Variants in AADACL2 observed in about 807,000 individuals in gnomAD.
AADACL2 encodes arylacetamide deacetylase-like 2.
AADACL2 carries 23 observed loss-of-function variants against 22.3 expected under a neutral mutation model. The ratio of observed to expected loss-of-function variants is 1.03; its 90% CI spans 0.74 to 1.46. The LOEUF is 1.46. AADACL2 is among the 40% of genes most tolerant of loss of function. The pLI is 0.00. For missense variants in AADACL2, 472 were observed against 482.9 expected (o/e 0.98, Z 0.21); for synonymous variants, 177 against 166.2 (o/e 1.07, Z -0.50).
intron 2 of AADACL2, among the ~76,000 whole-genome samples, chr3:151,741,582 T>A (rs896861065): frequency 2.0e-5 from 3 of 152,144 alleles, no homozygotes; most frequent in Non-Finnish European, 4.4e-5. Flanking sequence ...ATACATTGGA[T>A]TTCATCTATA....
At chr3:151,738,838 G>C (rs1713182817) in intron 1 of AADACL2, among the ~76,000 whole-genome samples, 2 of 152,120 alleles carry the variant, frequency 1.3e-5, no homozygotes, top group Admixed American at 1.3e-4. Flanking sequence ...GTGTTTTTCA[G>C]CTCCATCTGG....
At chr3:151,754,773 A>G (rs1207611869) in intron 4 of AADACL2, among the ~76,000 whole-genome samples, 1 of 152,132 alleles carries the variant, frequency 6.6e-6, no homozygotes, top group African/African-American at 2.4e-5. Flanking sequence ...TGTTCTCTCA[A>G]ATTTTGACCT....
intron 3 of AADACL2, 68 bp downstream of exon 3, chr3:151,744,230 CAA>C: frequency 2.1e-6 from 3 of 1,431,948 alleles, no homozygotes; most frequent in Non-Finnish European, 2.9e-6. Flanking sequence ...ATTTCCACAT[CAA>C]GTCAGCTATG....
Position 151,757,489 on chromosome 3 carries a change from G to C in AADACL2, c.1101G>C (p.Glu367Asp), listed in dbSNP as rs754263474. The change falls in exon 5 of 5, where the codon GAG becomes GAC. Residue 367 changes from glutamate (E) to aspartate (D), a missense_variant. Glu to Asp is a conservative substitution (Grantham distance 45, BLOSUM62 2). Coordinates refer to ENST00000356517, the MANE Select transcript of AADACL2 (RefSeq NM_207365.4). ...TCCAAGTTGTTCATGAACATATTGAGGATGGAATTCATGGAGCTTTATCAT... is the reference window on the plus strand; with the variant it reads ...TCCAAGTTGTTCATGAACATATTGACGATGGAATTCATGGAGCTTTATCAT... ...VGVQVVHEHIEDGIHGALSFM... is the reference protein window; with the variant it reads ...VGVQVVHEHIDDGIHGALSFM... 7.4e-6 allele frequency: 12 copies of C among 1,613,386 alleles called. No individual in the cohort carries two copies. In the East Asian group the frequency reaches 2.2e-4, roughly 30 times the overall value.
At chr3:151,737,982 T>C (rs2107980587) in intron 1 of AADACL2, among the ~76,000 whole-genome samples, 1 of 152,322 alleles carries the variant, frequency 6.6e-6, no homozygotes, top group East Asian at 1.9e-4. Flanking sequence ...ATGTATGAAT[T>C]TGATCCTGTC....
chr3:151,743,125 C>T (rs1713333038), intron 2 of AADACL2, among the ~76,000 whole-genome samples: 1 of 152,016 alleles, frequency 6.6e-6, no homozygotes, highest in South Asian at 2.1e-4. Context: ...CTATGCATGG[C>T]CTTTTCTTGA....
intron 2 of AADACL2, 54 bp downstream of exon 2, chr3:151,740,922 G>A: frequency 6.9e-7 from 1 of 1,455,368 alleles, no homozygotes; most frequent in Non-Finnish European, 9.5e-7. Flanking sequence ...TTTGATATAA[G>A]AACTATTTTA....
At chr3:151,744,480 C>T (rs900735027) in intron 3 of AADACL2, among the ~76,000 whole-genome samples, 2 of 152,070 alleles carry the variant, frequency 1.3e-5, no homozygotes, top group Non-Finnish European at 2.9e-5. Flanking sequence ...TTAACTATTA[C>T]ACATTTGGGA....
rs1413512540 is a variant in AADACL2 at position 151,758,582 on chromosome 3, T to C, written c.*988T>C. On this transcript the variant is annotated 3_prime_UTR_variant, in exon 5 of 5. Transcript: ENST00000356517. ...GAATCTGATCTAAATATGCATTCAA[T>C]AATGAAGAACATTTGAGTATGGACT... 6.6e-6 allele frequency: 1 copy of C among 152,112 alleles called. No individual in the cohort carries two copies. The highest frequency in any genetic ancestry group is 2.4e-5 in the African/African-American group (1 of 41,436). The allele number at this position is 152,112 out of a possible 1,614,324, so 9.4% of individuals were successfully genotyped here. A position where few individuals can be genotyped will look rare whatever the true frequency, so the allele number is the denominator to read the frequency against.
intron 2 of AADACL2, 115 bp downstream of exon 2, chr3:151,740,983 T>C (rs1234720531): frequency 1.3e-6 from 1 of 795,702 alleles, no homozygotes; most frequent in Non-Finnish European, 2.0e-6. Context: ...TATACTTGTC[T>C]GGATATGGAT....
chr3:151,742,086 T>G lies in AADACL2; in HGVS notation c.361+1218T>G, dbSNP rs1177156554. Among the ~76,000 whole-genome samples the G allele has an allele frequency of 8.5e-5, 13 of 152,326 alleles. No homozygotes were observed. The South Asian group carries it at 1.0e-3, about 12-fold the overall frequency. On this transcript the variant is annotated intron_variant, in intron 2 of 4. Coordinates refer to ENST00000356517, the MANE Select transcript of AADACL2 (RefSeq NM_207365.4). ...AATTTTCACCAAGAAAAAATAGACA[T>G]TATAACTATTTTCTAGTATTTGCAA...
chr3:151,746,627 G>C (rs1024972315), intron 4 of AADACL2, among the ~76,000 whole-genome samples: 47 of 151,932 alleles, frequency 3.1e-4, no homozygotes, highest in African/African-American at 1.1e-3. Context: ...TCTACTCCTA[G>C]TTTGCTGATA....
chr3:151,738,493 GTAT>G (rs1713167501), intron 1 of AADACL2, among the ~76,000 whole-genome samples: 1 of 152,152 alleles, frequency 6.6e-6, no homozygotes, highest in Non-Finnish European at 1.5e-5. Flanking sequence ...TTCTCAAGGA[GTAT>G]CTTAGTGGTG....
At chr3:151,749,374 ATGT>A (rs1173888358) in intron 4 of AADACL2, among the ~76,000 whole-genome samples, 2 of 152,072 alleles carry the variant, frequency 1.3e-5, no homozygotes, top group Non-Finnish European at 2.9e-5. Flanking sequence ...TGATTTTTCT[ATGT>A]TGATTTTGTA....
In AADACL2 at chr3:151,760,735, T is replaced by A. The variant is rs1261175844; in HGVS notation, c.*3141T>A. ...GCTGCTATAACAAAGTATCACAAAC[T>A]GAGTGCCTTAAATAAACAAAAGGAA... On this transcript the variant is annotated 3_prime_UTR_variant, in exon 5 of 5. Transcript: ENST00000356517. The A allele has an allele frequency of 6.6e-6, 1 of 152,196 alleles. No homozygotes were observed. Among genetic ancestry groups the A allele is most frequent in the Non-Finnish European group, 1.5e-5 (1 of 68,034 alleles). The allele number at this position is 152,196 out of a possible 1,614,324, so 9.4% of individuals were successfully genotyped here.
At chr3:151,739,091 T>G (rs1276086664) in intron 1 of AADACL2, among the ~76,000 whole-genome samples, 1 of 152,224 alleles carries the variant, frequency 6.6e-6, no homozygotes, top group African/African-American at 2.4e-5. Context: ...CTTTGGAATT[T>G]TCAGCATTTC....
intron 1 of AADACL2, among the ~76,000 whole-genome samples, chr3:151,739,226 T>C (rs755696326): frequency 6.6e-6 from 1 of 152,234 alleles, no homozygotes; most frequent in Non-Finnish European, 1.5e-5. Flanking sequence ...TTTTTGTTTG[T>C]TAGTTTTTCT....
Position 151,745,565 on chromosome 3 carries a change from C to T in AADACL2, c.488C>T (p.Ala163Val). 6.2e-7 allele frequency: 1 copy of T among 1,613,828 alleles called. No individual in the cohort carries two copies. Among genetic ancestry groups the T allele is most frequent in the Non-Finnish European group, 8.5e-7 (1 of 1,179,858 alleles). Reference sequence around the variant, plus strand: ...GCTCAGTTTGAAGATGGCCTTGCTGCAGTCAAATTTTTTCTTTTGGAAAAA... The same window carrying T: ...GCTCAGTTTGAAGATGGCCTTGCTGTAGTCAAATTTTTTCTTTTGGAAAAA... The part of the protein sequence containing the change: ...FPAQFEDGLA[A>V]VKFFLLEKIL... Residue 163 changes from alanine to valine, a missense_variant, in exon 4 of 5, where the codon GCA (alanine) becomes GTA (valine). Transcript: ENST00000356517.
chr3:151,743,989 A>C, intron 2 of AADACL2, 104 bp from the exon 3 acceptor site: 1 of 1,176,424 alleles, frequency 8.5e-7, no homozygotes, highest in Non-Finnish European at 1.2e-6. Flanking sequence ...AATAAAAGCT[A>C]TGTGATATTC....
Sources: allele counts gnomAD v4.1 joint callset (sites outside exome capture counted in the v4.1 genomes callset), GRCh38; gene constraint gnomAD v4.1.1; transcripts MANE v1.5; gene names NCBI Gene and HGNC (gene_info 2026-07-23, HGNC 2026-07-21).